MICALL1: variants seen among roughly 807,000 people sequenced by gnomAD.
MICALL1 encodes the protein MICAL like 1, also known as MICAL-like protein 1.
A neutral mutation model predicts 83.7 loss-of-function variants in MICALL1; 61 were observed. The observed-to-expected ratio is 0.73, with a 90% CI of 0.59 to 0.90. The LOEUF (loss-of-function observed/expected upper bound fraction) is 0.90, where lower values mean the gene tolerates loss of function less well. Ranked by LOEUF, MICALL1 falls within the 40% of genes least tolerant of loss-of-function variation. The probability of loss-of-function intolerance (pLI) is 0.00; values close to 1 mark genes in which losing one functional copy is unlikely to be tolerated. For synonymous variants in MICALL1, 481 were observed against 473.6 expected, an observed-to-expected ratio of 1.02 and a Z score of -0.20; for missense variants, 1,066 against 1,152.0, an observed-to-expected ratio of 0.93 and a Z score of 1.08.
chr22:37,910,366 G>A (rs941075038), intron 1 of MICALL1, among the ~76,000 whole-genome samples: 19 of 152,166 alleles, frequency 1.2e-4, no homozygotes, highest in Admixed American at 5.9e-4. Flanking sequence ...CGAAATAAAC[G>A]GCTGAGACAA....
chr22:37,912,955 C>A (rs908231473), intron 3 of MICALL1, among the ~76,000 whole-genome samples: 4 of 151,376 alleles, frequency 2.6e-5, no homozygotes, highest in African/African-American at 9.7e-5. Context: ...GCCACTGTGC[C>A]CAGTCCCACT....
At chr22:37,940,561 G>A in intron 15 of MICALL1, 148 bp from the exon 16 acceptor site, 1 of 882,202 alleles carries the variant, frequency 1.1e-6, no homozygotes, top group Non-Finnish European at 1.7e-6. Context: ...AAAGGTGAGT[G>A]TCTTGTCCCT....
intron 5 of MICALL1, among the ~76,000 whole-genome samples, chr22:37,921,383 C>T (rs1468692956): frequency 6.6e-6 from 1 of 152,132 alleles, no homozygotes; most frequent in Non-Finnish European, 1.5e-5. Flanking sequence ...GCCTGGCCGA[C>T]TTGGTGAAAC....
At position 37,919,019 on chromosome 22, in the gene MICALL1, C is replaced by T. The variant is rs764635347; in HGVS notation, c.427-17C>T. Reference sequence around the variant, plus strand: ...ACCATGTCCTGCTCCCAACCTCCCCCACCTCGTTCTCTGCAGGGCGAGGAG... The same window carrying T: ...ACCATGTCCTGCTCCCAACCTCCCCTACCTCGTTCTCTGCAGGGCGAGGAG... On this transcript the variant is annotated splice_polypyrimidine_tract_variant and intron_variant, in intron 4 of 15. Coordinates refer to ENST00000215957, the MANE Select transcript of MICALL1 (RefSeq NM_033386.4). The T allele has an allele frequency of 2.2e-5, 34 of 1,535,052 alleles. No homozygotes were observed. In the African/African-American group the frequency reaches 3.9e-4, roughly 17 times the overall value.
chr22:37,922,031 G>A lies in MICALL1; in HGVS notation c.629G>A (p.Gly210Asp). The change falls in exon 6 of 16, where the codon GGC becomes GAC. Residue 210 changes from glycine to aspartate, a missense_variant. By Grantham distance (94) the Gly-to-Asp change is moderately conservative (BLOSUM62 -1). Coordinates refer to ENST00000215957, the MANE Select transcript of MICALL1 (RefSeq NM_033386.4). Reference protein sequence around the residue: ...PGAYENGPEEGTFVCAEHCAR... With the variant: ...PGAYENGPEEDTFVCAEHCAR... The stretch of plus-strand genomic sequence containing the variant: ...GCTTATGAGAATGGGCCTGAGGAGG[G>A]CACCTTTGTGTGTGCAGAACACTGT... 1 of 1,612,278 alleles carries A rather than the reference G, an allele frequency of 6.2e-7. No individual in the cohort carries two copies. The highest frequency in any genetic ancestry group is 8.5e-7 in the Non-Finnish European group (1 of 1,179,130).
chr22:37,941,043 T>C lies in MICALL1; in HGVS notation c.*213T>C. 1.8e-6 allele frequency: 1 copy of C among 548,888 alleles called. No individual in the cohort carries two copies. Among genetic ancestry groups the C allele is most frequent in the South Asian group, 2.1e-5 (1 of 47,670 alleles). 34.0% of individuals were successfully genotyped at this position (548,888 alleles called of 1,614,324 possible). ...TTCTTCTCCGAGCCCCAGGCAGCGGTGATTCAGCCCTGCCCAACCTGATTC... is the reference window on the plus strand; with the variant it reads ...TTCTTCTCCGAGCCCCAGGCAGCGGCGATTCAGCCCTGCCCAACCTGATTC... On this transcript the variant is annotated 3_prime_UTR_variant, in exon 16 of 16. Transcript: ENST00000215957.
In MICALL1 at chr22:37,924,672, A is replaced by T. The variant is rs1474558464; in HGVS notation, c.1037A>T (p.Glu346Val). 1 of 1,612,264 alleles carries T rather than the reference A, an allele frequency of 6.2e-7. No homozygotes were observed. The highest frequency in any genetic ancestry group is 1.7e-5 in the Admixed American group (1 of 59,842). Residue 346 changes from glutamate to valine, a missense_variant, in exon 7 of 16, where the codon GAA becomes GTA. Glu to Val is a moderately radical substitution (Grantham distance 121). Coordinates refer to ENST00000215957, the MANE Select transcript of MICALL1 (RefSeq NM_033386.4). This position sits in a 1 kb window ranked among gnomAD's most constrained non-coding sequence, Gnocchi z 5.2. ...SSSLVNGRLHELPVPKPRGTP... is the reference protein window; with the variant it reads ...SSSLVNGRLHVLPVPKPRGTP... Reference sequence around the variant, plus strand: ...CTTTCCCATCTAGGGAGACTGCACGAACTGCCTGTCCCCAAGCCGAGGGGG... The same window carrying T: ...CTTTCCCATCTAGGGAGACTGCACGTACTGCCTGTCCCCAAGCCGAGGGGG...
intron 3 of MICALL1, among the ~76,000 whole-genome samples, chr22:37,913,107 C>T (rs956025408): frequency 6.6e-6 from 1 of 152,072 alleles, no homozygotes; most frequent in Non-Finnish European, 1.5e-5. Flanking sequence ...GGATTACAGG[C>T]ACCCACCACT....
At chr22:37,915,394 C>T (rs1928613084) in intron 3 of MICALL1, among the ~76,000 whole-genome samples, 2 of 152,008 alleles carry the variant, frequency 1.3e-5, no homozygotes, top group Non-Finnish European at 2.9e-5. Context: ...TAATAGAAAA[C>T]AAAATGAAAG....
At chr22:37,915,478 AC>A (rs1928618026) in intron 3 of MICALL1, among the ~76,000 whole-genome samples, 1 of 151,992 alleles carries the variant, frequency 6.6e-6, no homozygotes, top group Non-Finnish European at 1.5e-5. Flanking sequence ...CAAAATTTTC[AC>A]TCTGCCATTT....
chr22:37,921,144 A>G (rs896077205), intron 5 of MICALL1, among the ~76,000 whole-genome samples: 3 of 152,222 alleles, frequency 2.0e-5, no homozygotes, highest in Non-Finnish European at 1.5e-5. Context: ...TGACACTGTG[A>G]CTAGATGTAA....
rs1929868211 is a variant in MICALL1 at position 37,932,774 on chromosome 22, CCTCAG to C, written c.2144-23_2144-19del. On this transcript the variant is annotated intron_variant, in intron 11 of 15. Coordinates refer to ENST00000215957, the MANE Select transcript of MICALL1 (RefSeq NM_033386.4). The surrounding 1 kb of genome is among the most constrained non-coding windows in gnomAD (Gnocchi z 4.4). ...AGCCAGGCATGGCAGCCAGCCCTGG[CCTCAG>C]TGGGTATCTGGCTTCCAGAGGGCCG... 6.2e-7 allele frequency: 1 copy of C among 1,613,870 alleles called. No individual in the cohort carries two copies. Among genetic ancestry groups the C allele is most frequent in the South Asian group, 1.1e-5 (1 of 91,074 alleles).
chr22:37,932,403 C>A lies in MICALL1; in HGVS notation c.2017-150C>A. 1 of 1,285,452 alleles carries A rather than the reference C, an allele frequency of 7.8e-7. No individual in the cohort carries two copies. Among genetic ancestry groups the A allele is most frequent in the Non-Finnish European group, 1.1e-6 (1 of 940,272 alleles). 79.6% of individuals were successfully genotyped at this position (1,285,452 alleles called of 1,614,324 possible). On this transcript the variant is annotated intron_variant, in intron 10 of 15. Coordinates refer to ENST00000215957, the MANE Select transcript of MICALL1 (RefSeq NM_033386.4). The surrounding 1 kb of genome is among the most constrained non-coding windows in gnomAD (Gnocchi z 4.4). The stretch of plus-strand genomic sequence containing the variant: ...GTGGCTGTCCCCACACTGGCCCCTT[C>A]CCCACTGGGACCCTGCCTTCTTACC...
intron 7 of MICALL1, 98 bp from the exon 8 acceptor site, chr22:37,925,563 A>G: frequency 1.3e-6 from 1 of 766,856 alleles, no homozygotes; most frequent in East Asian, 2.7e-5. Context: ...GCCGTTTCTC[A>G]TCCACCCCCT....
chr22:37,910,448 C>T (rs2145876034), intron 1 of MICALL1, among the ~76,000 whole-genome samples: 1 of 152,194 alleles, frequency 6.6e-6, no homozygotes, highest in South Asian at 2.1e-4. Flanking sequence ...TTTCCTCGCC[C>T]TGTTGCAGTG....
chr22:37,922,378 C>T lies in MICALL1; in HGVS notation c.976C>T (p.Gln326Ter). The T allele has an allele frequency of 1.3e-6, 2 of 1,534,532 alleles. No homozygotes were observed. Among genetic ancestry groups the T allele is most frequent in the Non-Finnish European group, 1.7e-6 (2 of 1,143,382 alleles). The change falls in exon 6 of 16, where the codon CAG (glutamine) becomes TAG (stop). Residue 326 changes from glutamine to a stop codon, truncating the protein, a stop_gained. Coordinates refer to ENST00000215957, the MANE Select transcript of MICALL1 (RefSeq NM_033386.4). LOFTEE classifies it high-confidence loss of function. ...PPTPRPRSSL[Q>*]QENLVEQAGS... is the part of the protein sequence containing the mutation. ...CACGCCCCGGCCCCGCTCCAGTCTG[C>T]AGCAGGAGAACCTGGTGGAGCAGGC...
intron 3 of MICALL1, among the ~76,000 whole-genome samples, chr22:37,914,274 T>C (rs1928529977): frequency 6.6e-6 from 1 of 151,418 alleles, no homozygotes; most frequent in Non-Finnish European, 1.5e-5. Flanking sequence ...TTGCCCAGGC[T>C]GGAGTGCAAT....
At position 37,927,841 on chromosome 22, in the gene MICALL1, A is replaced by G; in HGVS notation, c.1881+15A>G. On this transcript the variant is annotated intron_variant, in intron 9 of 15. Coordinates refer to ENST00000215957, the MANE Select transcript of MICALL1 (RefSeq NM_033386.4). ...TGCAGGTAAAGGTGAGTGCCCCCTC[A>G]CCCTCACTAAAAGTGACATCCTCTC... 2 of 1,585,170 alleles carry G rather than the reference A, an allele frequency of 1.3e-6. No homozygotes were observed. Among genetic ancestry groups the G allele is most frequent in the Non-Finnish European group, 1.7e-6 (2 of 1,164,048 alleles).
rs1927939544 is a variant in MICALL1 at position 37,906,385 on chromosome 22, C to A, written c.-38C>A. ...GCCGCCGTCCCGGCCAAGCCGGGGC[C>A]CCGAAGCCAGAGCCGGAGCCGGGCG... On this transcript the variant is annotated 5_prime_UTR_variant, in exon 1 of 16. Transcript: ENST00000215957. The surrounding 1 kb of genome is among the most constrained non-coding windows in gnomAD (Gnocchi z 4.4). 1 of 1,069,572 alleles carries A rather than the reference C, an allele frequency of 9.3e-7. No individual in the cohort carries two copies. 66.3% of individuals were successfully genotyped at this position (1,069,572 alleles called of 1,614,324 possible).
Sources: gnomAD v4.1 joint callset for allele counts (sites outside exome capture counted in the v4.1 genomes callset) on GRCh38, gnomAD v4.1.1 for gene constraint, Gnocchi (gnomAD v3.1) non-coding constraint, MANE v1.5 for transcripts, NCBI Gene and HGNC (gene_info 2026-07-23, HGNC 2026-07-21) for gene names.